Variants in MAGI2 observed in about 807,000 individuals in gnomAD.
MAGI2 encodes the protein membrane-associated guanylate kinase, WW and PDZ domain-containing protein 2.
MAGI2 carries 35 observed loss-of-function variants against 133.3 expected under a neutral mutation model. The observed-to-expected ratio is 0.26, with a 90% confidence interval of 0.20 to 0.35. The LOEUF (loss-of-function observed/expected upper bound fraction) is 0.35. MAGI2 is among the 10% of genes least tolerant of loss of function. MAGI2 has a pLI of 1.00. For synonymous variants in MAGI2, 729 were observed against 710.6 expected, an observed-to-expected ratio of 1.03 and a Z score of -0.41; for missense variants, 1,636 against 1,863.4, an observed-to-expected ratio of 0.88 and a Z score of 2.25.
At chr7:78,187,142 A>G (rs937019074) in intron 12 of MAGI2, among the ~76,000 whole-genome samples, 1 of 152,190 alleles carries the variant, frequency 6.6e-6, no homozygotes, top group Non-Finnish European at 1.5e-5. Flanking sequence ...AAAATTAACT[A>G]AACATTACTA....
chr7:78,172,152 A>G (rs1210229872), intron 14 of MAGI2, among the ~76,000 whole-genome samples: 2 of 152,204 alleles, frequency 1.3e-5, no homozygotes, highest in African/African-American at 4.8e-5. Flanking sequence ...AGTCAGGGGA[A>G]AAACTCACAC....
At chr7:79,343,063 C>T (rs984236841) in intron 1 of MAGI2, among the ~76,000 whole-genome samples, 19 of 152,086 alleles carry the variant, frequency 1.2e-4, no homozygotes, top group African/African-American at 3.6e-4. Context: ...CATGCCCGGC[C>T]TGAGGAAGCA....
At chr7:78,357,157 A>G (rs900731026) in intron 7 of MAGI2, among the ~76,000 whole-genome samples, 13 of 152,318 alleles carry the variant, frequency 8.5e-5, no homozygotes, top group African/African-American at 2.9e-4. Flanking sequence ...GACAGTGTGA[A>G]GTCTCTTAAT....
chr7:78,493,279 G>T (rs528735908), intron 5 of MAGI2, among the ~76,000 whole-genome samples: 1 of 152,244 alleles, frequency 6.6e-6, no homozygotes, highest in South Asian at 2.1e-4. Context: ...GACAGAAGCA[G>T]CAGGTTAATA....
intron 1 of MAGI2, among the ~76,000 whole-genome samples, chr7:79,327,087 T>A (rs1375201528): frequency 6.6e-6 from 1 of 152,114 alleles, no homozygotes; most frequent in Non-Finnish European, 1.5e-5. Context: ...GGAGCCATAC[T>A]TGGTGGGTTT....
intron 9 of MAGI2, among the ~76,000 whole-genome samples, chr7:78,322,735 T>C (rs1788137251): frequency 6.6e-6 from 1 of 152,100 alleles, no homozygotes; most frequent in African/African-American, 2.4e-5. Flanking sequence ...GTTCTGCACA[T>C]GTACCCCGGA....
In MAGI2 at chr7:78,187,566, G is replaced by A. The variant is rs1252886890; in HGVS notation, c.2270-1896C>T. On this transcript the variant is annotated intron_variant, in intron 12 of 21. Transcript: ENST00000354212. ...ACCAAAGTCTGGTTGCTTTTTCATT[G>A]AGTTTTGTTTCAAATAAAGAGCCAG... is the stretch of plus-strand genomic sequence containing the variant. Among the ~76,000 whole-genome samples the A allele has an allele frequency of 2.6e-5, 4 of 152,170 alleles. No homozygotes were observed. The East Asian group carries it at 7.7e-4, about 29-fold the overall frequency.
intron 2 of MAGI2, among the ~76,000 whole-genome samples, chr7:78,725,448 C>T (rs1001898473): frequency 1.3e-5 from 2 of 152,206 alleles, no homozygotes; most frequent in African/African-American, 4.8e-5. Flanking sequence ...ACGCACTATG[C>T]AACTGTTTAC....
chr7:78,690,825 C>G (rs1816877367), intron 2 of MAGI2, among the ~76,000 whole-genome samples: 1 of 152,142 alleles, frequency 6.6e-6, no homozygotes, highest in Non-Finnish European at 1.5e-5. Context: ...AATAGTCACT[C>G]TAAATGGAGT....
intron 6 of MAGI2, among the ~76,000 whole-genome samples, chr7:78,396,688 T>C (rs1329564517): frequency 2.0e-5 from 3 of 152,176 alleles, no homozygotes; most frequent in Non-Finnish European, 4.4e-5. Flanking sequence ...GGTACTTTGA[T>C]ACAAAGGAAG....
intron 1 of MAGI2, among the ~76,000 whole-genome samples, chr7:79,066,637 G>A (rs1814364598): frequency 6.6e-6 from 1 of 151,814 alleles, no homozygotes; most frequent in African/African-American, 2.4e-5. Flanking sequence ...TCTCTTTTGG[G>A]TTTTGTTGCC....
intron 2 of MAGI2, among the ~76,000 whole-genome samples, chr7:78,982,977 C>T (rs1384120656): frequency 6.6e-6 from 1 of 151,842 alleles, no homozygotes; most frequent in African/African-American, 2.4e-5. Flanking sequence ...GTTAGTCTGA[C>T]TTGAGCTATG....
chr7:79,171,770 A>ATATATATATTTTTTTTTTTTTTTTT, intron 1 of MAGI2, among the ~76,000 whole-genome samples: 1 of 31,204 alleles, frequency 3.2e-5, no homozygotes, highest in African/African-American at 6.5e-5. Flanking sequence ...ATATATATAT[A>ATATATATATTTTTTTTTTTTTTTTT]TTTTTTTTTT....
At chr7:79,012,150 C>G (rs1043658440) in intron 1 of MAGI2, 2 of 152,076 alleles carry the variant, frequency 1.3e-5, no homozygotes, top group Non-Finnish European at 2.9e-5. Context: ...GAAAGCGACA[C>G]TCTGAAGAAA....
At chr7:78,028,615 G>A (rs1809207404) in intron 21 of MAGI2, among the ~76,000 whole-genome samples, 1 of 152,262 alleles carries the variant, frequency 6.6e-6, no homozygotes, top group East Asian at 1.9e-4. Context: ...AGCACTTTGG[G>A]AGGCCAAGGT....
At chr7:78,636,608 C>G (rs897253467) in intron 2 of MAGI2, among the ~76,000 whole-genome samples, 2 of 152,058 alleles carry the variant, frequency 1.3e-5, no homozygotes, top group African/African-American at 4.8e-5. Flanking sequence ...ACCATCCTGG[C>G]TAACACGGTG....
chr7:78,729,639 T>G (rs1257008472), intron 2 of MAGI2, among the ~76,000 whole-genome samples: 1 of 152,220 alleles, frequency 6.6e-6, no homozygotes, highest in Admixed American at 6.5e-5. Flanking sequence ...CACATGGAGC[T>G]TGTGTCTAGC....
intron 1 of MAGI2, among the ~76,000 whole-genome samples, chr7:79,377,028 T>C (rs530453031): frequency 1.3e-5 from 2 of 151,944 alleles, no homozygotes; most frequent in South Asian, 2.1e-4. Flanking sequence ...AATGCAACAC[T>C]ATAGAGGTTT....
intron 6 of MAGI2, among the ~76,000 whole-genome samples, chr7:78,476,602 G>A (rs1444459794): frequency 6.6e-6 from 1 of 151,878 alleles, no homozygotes; most frequent in East Asian, 1.9e-4. Context: ...AATCTATTTA[G>A]GTTCTTTACA....
Sources: allele counts gnomAD v4.1 joint callset (sites outside exome capture counted in the v4.1 genomes callset), GRCh38; gene constraint gnomAD v4.1.1; transcripts MANE v1.5; gene names NCBI Gene and HGNC (gene_info 2026-07-23, HGNC 2026-07-21).